The following TFAP4 variants were observed in gnomAD, a reference collection of about 807,000 sequenced individuals.
TFAP4 encodes the protein activating enhancer-binding protein 4.
A neutral mutation model predicts 40.4 loss-of-function variants in TFAP4; 7 were observed. The observed-to-expected ratio is 0.17, with a 90% confidence interval of 0.10 to 0.33. TFAP4 has a LOEUF of 0.33. Among genes scored for constraint, TFAP4 ranks in the 10% least tolerant of loss-of-function variants. The pLI, the probability that TFAP4 is intolerant of heterozygous loss-of-function variation, is 1.00. For synonymous variants in TFAP4, 218 were observed against 181.4 expected, an observed-to-expected ratio of 1.20 and a Z score of -1.62; for missense variants, 374 against 451.1, an observed-to-expected ratio of 0.83 and a Z score of 1.55.
intron 6 of TFAP4, among the ~76,000 whole-genome samples, chr16:4,259,703 C>A (rs2052928701): frequency 6.6e-6 from 1 of 152,188 alleles, no homozygotes; most frequent in Non-Finnish European, 1.5e-5. Flanking sequence ...CCAACTATCA[C>A]CAGCCCTGCC....
intron 3 of TFAP4, 95 bp downstream of exon 3, chr16:4,262,229 G>T: frequency 7.2e-7 from 1 of 1,389,054 alleles, no homozygotes; most frequent in Non-Finnish European, 1.0e-6. Flanking sequence ...CAGTGGGCAA[G>T]AAGGGGCCTG....
intron 6 of TFAP4, 29 bp downstream of exon 6, chr16:4,260,061 C>G: frequency 3.8e-6 from 6 of 1,597,496 alleles, no homozygotes; most frequent in Middle Eastern, 1.7e-4. Context: ...ATGACCCCCA[C>G]AAGCTGCCCC....
chr16:4,270,625 G>A (rs1309637897), intron 1 of TFAP4, among the ~76,000 whole-genome samples: 4 of 152,254 alleles, frequency 2.6e-5, no homozygotes, highest in African/African-American at 9.6e-5. Flanking sequence ...ACACCTTCAA[G>A]TCCTTGGCCT....
chr16:4,271,704 C>G (rs1374897664), intron 1 of TFAP4, among the ~76,000 whole-genome samples: 2 of 152,072 alleles, frequency 1.3e-5, no homozygotes, highest in South Asian at 4.1e-4. Flanking sequence ...GGGGGAGGGG[C>G]GTTGGATGGG....
At position 4,262,385 on chromosome 16, in the gene TFAP4, GAGA is replaced by G. The variant is rs753592219; in HGVS notation, c.290_292del (p.Phe97del). On this transcript the variant is annotated inframe_deletion, in exon 3 of 7. Coordinates refer to ENST00000204517, the MANE Select transcript of TFAP4 (RefSeq NM_003223.3). ...GAGCCTGGTCTTCTCCTGCTCCAGG[GAGA>G]AGATGTACTCGGCTGTCTGCTGGAG... 6.2e-7 allele frequency: 1 copy of G among 1,614,100 alleles called. No homozygotes were observed. Among genetic ancestry groups the G allele is most frequent in the Non-Finnish European group, 8.5e-7 (1 of 1,180,054 alleles).
At chr16:4,270,422 C>T (rs2053031712) in intron 1 of TFAP4, among the ~76,000 whole-genome samples, 1 of 152,108 alleles carries the variant, frequency 6.6e-6, no homozygotes, top group Non-Finnish European at 1.5e-5. Context: ...CTGAGATGAC[C>T]CTGAGAAGCA....
At chr16:4,272,094 C>G (rs1013204239) in intron 1 of TFAP4, among the ~76,000 whole-genome samples, 10 of 151,106 alleles carry the variant, frequency 6.6e-5, no homozygotes, top group Admixed American at 1.3e-4. Flanking sequence ...TCCGCCCACC[C>G]CCAACACCCA....
rs146580278 is a variant in TFAP4 at position 4,269,788 on chromosome 16, C to T, written c.89+2870G>A. Among the ~76,000 whole-genome samples the T allele has an allele frequency of 1.9e-3, 282 of 149,606 alleles. 1 individual carries two copies. Among genetic ancestry groups the T allele is most frequent in the Middle Eastern group, 6.8e-3 (2 of 292 alleles). ...TTGCGCCACTGCACTCCAGCCTGTGCGACAGAGTGAGAGTCCATCTCAAAA... is the reference window on the plus strand; with the variant it reads ...TTGCGCCACTGCACTCCAGCCTGTGTGACAGAGTGAGAGTCCATCTCAAAA... On this transcript the variant is annotated intron_variant, in intron 1 of 6. Transcript: ENST00000204517.
At chr16:4,258,809 A>G (rs1597310765) in intron 6 of TFAP4, 1 of 152,272 alleles carries the variant, frequency 6.6e-6, no homozygotes, top group Non-Finnish European at 1.5e-5. Context: ...TATTATATGT[A>G]TCAGCCAGGC....
chr16:4,266,657 T>C (rs2052999297), intron 1 of TFAP4: 1 of 152,190 alleles, frequency 6.6e-6, no homozygotes, highest in South Asian at 2.1e-4. Flanking sequence ...GGATGGTTGA[T>C]TGAAATTTCC....
At chr16:4,271,386 T>A (rs2053039113) in intron 1 of TFAP4, among the ~76,000 whole-genome samples, 1 of 152,216 alleles carries the variant, frequency 6.6e-6, no homozygotes, top group Non-Finnish European at 1.5e-5. Flanking sequence ...ATTTCGCTCC[T>A]GGAGCAGCGC....
At chr16:4,262,756 TC>T in intron 1 of TFAP4, 55 bp from the exon 2 acceptor site, 3 of 1,578,376 alleles carry the variant, frequency 1.9e-6, no homozygotes, top group South Asian at 1.1e-5. Flanking sequence ...ATCATTCATC[TC>T]CAGAGGGCCC....
At chr16:4,268,844 T>G (rs2053017908) in intron 1 of TFAP4, among the ~76,000 whole-genome samples, 1 of 151,930 alleles carries the variant, frequency 6.6e-6, no homozygotes, top group Non-Finnish European at 1.5e-5. Context: ...TCCTCCCGCC[T>G]TGGTCTCCCA....
chr16:4,257,873 G>T lies in TFAP4; in HGVS notation c.*182C>A. On this transcript the variant is annotated 3_prime_UTR_variant, in exon 7 of 7. Coordinates refer to ENST00000204517, the MANE Select transcript of TFAP4 (RefSeq NM_003223.3). The stretch of plus-strand genomic sequence containing the variant: ...CACGCTCTGCGACACCCCAGCCCCG[G>T]GACCTCGGGTTGAGTGGCTTCGTTC... 1.5e-6 allele frequency: 1 copy of T among 646,806 alleles called. No homozygotes were observed. Among genetic ancestry groups the T allele is most frequent in the Non-Finnish European group, 2.6e-6 (1 of 389,940 alleles). The allele number at this position is 646,806 out of a possible 1,614,324, so 40.1% of individuals were successfully genotyped here. A position where few individuals can be genotyped will look rare whatever the true frequency, so the allele number is the denominator to read the frequency against.
chr16:4,270,486 C>G (rs1218864791), intron 1 of TFAP4, among the ~76,000 whole-genome samples: 2 of 152,214 alleles, frequency 1.3e-5, no homozygotes, highest in Non-Finnish European at 2.9e-5. Context: ...CCCAGACTGG[C>G]TTCCCACCTC....
chr16:4,259,193 G>T (rs1204689495), intron 6 of TFAP4, among the ~76,000 whole-genome samples: 2 of 151,924 alleles, frequency 1.3e-5, no homozygotes, highest in Admixed American at 6.6e-5. Flanking sequence ...GAGTTCAGTG[G>T]TGCAATCTCA....
intron 1 of TFAP4, 75 bp downstream of exon 1, chr16:4,272,562 GGCGCGGGCCATGCGTGCGCAC>G: frequency 1.1e-6 from 1 of 881,356 alleles, no homozygotes; most frequent in Non-Finnish European, 1.6e-6. Flanking sequence ...CGGGGTCGGC[GGCGCGGGCCATGCGTGCGCAC>G]ACGCGCGCCC....
chr16:4,262,193 G>T, intron 3 of TFAP4, 131 bp downstream of exon 3: 1 of 1,145,656 alleles, frequency 8.7e-7, no homozygotes, highest in Non-Finnish European at 1.3e-6. Context: ...GCCGGGGCAG[G>T]AAAAAAAGTG....
intron 6 of TFAP4, chr16:4,258,892 G>A (rs1033672393): frequency 6.6e-6 from 1 of 151,968 alleles, no homozygotes; most frequent in Admixed American, 6.5e-5. Flanking sequence ...TCAGGAGTTC[G>A]AGACCAGCCC....
Sources: allele counts gnomAD v4.1 joint callset (sites outside exome capture counted in the v4.1 genomes callset), GRCh38; gene constraint gnomAD v4.1.1; transcripts MANE v1.5; gene names NCBI Gene and HGNC (gene_info 2026-07-23, HGNC 2026-07-21).